The following HEATR4 variants were observed in gnomAD, a reference collection of about 807,000 sequenced individuals.
The protein encoded by HEATR4 is HEAT repeat containing 4.
In HEATR4, 95 loss-of-function variants were observed where a neutral mutation model predicts 108.8. That is an observed-to-expected ratio of 0.87 (90% CI 0.74 to 1.04). The LOEUF (loss-of-function observed/expected upper bound fraction) is 1.04, where lower values mean the gene tolerates loss of function less well. Among genes scored for constraint, HEATR4 ranks in the 50% least tolerant of loss-of-function variants. The pLI is 0.00. For synonymous variants in HEATR4, 443 were observed against 459.4 expected, an observed-to-expected ratio of 0.96 and a Z score of 0.46; for missense variants, 1,152 against 1,253.8, an observed-to-expected ratio of 0.92 and a Z score of 1.23.
At chr14:73,592,492 C>G in the HEATR4 span, 1 of 1,414,294 alleles carries the variant, frequency 7.1e-7, no homozygotes, top group East Asian at 2.6e-5. Flanking sequence ...TGATTTAGCA[C>G]TGGTTTGGTT....
In HEATR4 at chr14:73,492,525, A is replaced by G. The variant is rs1281091676; in HGVS notation, c.2844+541T>C. The G allele has an allele frequency of 1.2e-6, 2 of 1,613,608 alleles. No homozygotes were observed. The highest frequency in any genetic ancestry group is 1.7e-6 in the Non-Finnish European group (2 of 1,179,798). On this transcript the variant is annotated intron_variant, in intron 17 of 17. Coordinates refer to ENST00000553558, the MANE Select transcript of HEATR4 (RefSeq NM_001220484.1). This position sits in a 1 kb window ranked among gnomAD's most constrained non-coding sequence, Gnocchi z 4.9. ...GATGCTGTGGCCGACCAGCGAGCCAAAGACTTCATTCACGATTCTCTGCCC... is the reference window on the plus strand; with the variant it reads ...GATGCTGTGGCCGACCAGCGAGCCAGAGACTTCATTCACGATTCTCTGCCC...
chr14:73,484,242 T>C lies in HEATR4; in HGVS notation c.2845-5400A>G, dbSNP rs374452356. Among the ~76,000 whole-genome samples the C allele has an allele frequency of 7.9e-5, 12 of 151,782 alleles. No homozygotes were observed. The East Asian group carries it at 1.2e-3, about 15-fold the overall frequency. On this transcript the variant is annotated intron_variant, in intron 17 of 17. Coordinates refer to ENST00000553558, the MANE Select transcript of HEATR4 (RefSeq NM_001220484.1). ...TAGGTTATATGAGCAAGCAAAAGAG[T>C]TGGAAATTCAACATCCTAGATAGCA...
At chr14:73,574,036 ATT>A in the HEATR4 span, among the ~76,000 whole-genome samples, 61 of 147,918 alleles carry the variant, frequency 4.1e-4, no homozygotes, top group Admixed American at 4.7e-4. Flanking sequence ...TAATATTTGT[ATT>A]TTTTTTTTTT....
the HEATR4 span, among the ~76,000 whole-genome samples, chr14:73,627,323 C>T: frequency 6.6e-6 from 1 of 152,132 alleles, no homozygotes. Context: ...GCTGGGTGTC[C>T]TCCAATTCAA....
chr14:73,593,919 CT>C, the HEATR4 span: 3 of 1,596,194 alleles, frequency 1.9e-6, no homozygotes, highest in Non-Finnish European at 2.6e-6. Flanking sequence ...TCCTCATGTC[CT>C]TTATTTAATC....
Position 73,508,233 on chromosome 14 carries a change from G to A in HEATR4, c.1782C>T (p.Tyr594=). 1 of 1,613,908 alleles carries A rather than the reference G, an allele frequency of 6.2e-7. No homozygotes were observed. Among genetic ancestry groups the A allele is most frequent in the Non-Finnish European group, 8.5e-7 (1 of 1,179,854 alleles). The change falls in exon 9 of 18, where the codon TAC becomes TAT. Residue 594 remains tyrosine (Y), a synonymous_variant. Transcript: ENST00000553558. ...GGTGGAGGATCCTCTTAATCACAGGGTAAGTAGCAGTACCTTCCAGAGCCA... is the reference window on the plus strand; with the variant it reads ...GGTGGAGGATCCTCTTAATCACAGGATAAGTAGCAGTACCTTCCAGAGCCA... The part of the protein sequence containing the change: ...QCLALEGTAT[Y]PVIKRILHQL...
the HEATR4 span, among the ~76,000 whole-genome samples, chr14:73,568,699 T>C: frequency 4.6e-5 from 7 of 152,088 alleles, no homozygotes; most frequent in South Asian, 2.1e-4. Flanking sequence ...GCGGGCGGAT[T>C]ACAAAGTCAG....
the HEATR4 span, among the ~76,000 whole-genome samples, chr14:73,576,927 CTTTTCTT>C: frequency 0.16 from 19,169 of 121,382 alleles, 1,825 homozygotes; most frequent in Non-Finnish European, 0.23. Flanking sequence ...TTATTCTTTT[CTTTTCTT>C]TTTTTTTTTT....
the HEATR4 span, among the ~76,000 whole-genome samples, chr14:73,590,665 A>G: frequency 1.3e-5 from 2 of 152,136 alleles, no homozygotes; most frequent in Non-Finnish European, 1.5e-5. Context: ...CGAGCACAGC[A>G]GCTGCTGCCC....
chr14:73,615,408 C>CAA, the HEATR4 span, among the ~76,000 whole-genome samples: 13 of 51,144 alleles, frequency 2.5e-4, no homozygotes, highest in African/African-American at 9.1e-4. Context: ...AAAAAAAAAA[C>CAA]AAAAAACAAA....
chr14:73,487,604 G>A (rs1047232214), intron 17 of HEATR4, among the ~76,000 whole-genome samples: 4 of 152,058 alleles, frequency 2.6e-5, no homozygotes, highest in Non-Finnish European at 2.9e-5. Context: ...ATTTTTAGCA[G>A]GGCATGGTGG....
At chr14:73,538,365 G>A (rs1888948765) in intron 1 of HEATR4, among the ~76,000 whole-genome samples, 1 of 114,568 alleles carries the variant, frequency 8.7e-6, no homozygotes, top group African/African-American at 2.8e-5. Context: ...TGTAATCCCA[G>A]CACTTTGAGA....
the HEATR4 span, chr14:73,617,074 A>G: frequency 2.8e-6 from 4 of 1,453,268 alleles, no homozygotes; most frequent in South Asian, 1.1e-5. Flanking sequence ...CTGGCCGGAC[A>G]TGGTTTTGCT....
rs1454186476 is a variant in HEATR4 at position 73,547,451 on chromosome 14, T to A, written c.-152+11300A>T. 1.7e-5 allele frequency among the ~76,000 whole-genome samples: 2 copies of A among 115,132 alleles called. 1 individual carries two copies. The highest frequency in any genetic ancestry group is 5.6e-5 in the African/African-American group (2 of 35,520). The allele number at this position is 115,132 out of a possible 152,430, so 75.5% of individuals were successfully genotyped here. A position where few individuals can be genotyped will look rare whatever the true frequency, so the allele number is the denominator to read the frequency against. ...CTTAAACTCCTGGGCTCAGGCAATCTTCCCACCTTGGCATCTCCCAAAGTG... is the reference window on the plus strand; with the variant it reads ...CTTAAACTCCTGGGCTCAGGCAATCATCCCACCTTGGCATCTCCCAAAGTG... On this transcript the variant is annotated intron_variant, in intron 1 of 17. Transcript: ENST00000553558.
the HEATR4 span, chr14:73,591,865 GGGACGCC>G: frequency 8.2e-7 from 1 of 1,222,136 alleles, no homozygotes; most frequent in Non-Finnish European, 1.1e-6. Flanking sequence ...CCGGCACCAG[GGGACGCC>G]GGACGCCGTC....
At chr14:73,504,730 G>A (rs771739146) in intron 10 of HEATR4, among the ~76,000 whole-genome samples, 3 of 152,130 alleles carry the variant, frequency 2.0e-5, no homozygotes, top group Non-Finnish European at 2.9e-5. Flanking sequence ...AGTGGAGGTT[G>A]TTCACTTATC....
chr14:73,633,574 A>C, the HEATR4 span: 4 of 152,364 alleles, frequency 2.6e-5, no homozygotes, highest in African/African-American at 9.6e-5. Context: ...ACCCTAGCAC[A>C]CTTGGCCTCC....
At chr14:73,613,626 CA>C in the HEATR4 span, among the ~76,000 whole-genome samples, 1 of 152,154 alleles carries the variant, frequency 6.6e-6, no homozygotes, top group Non-Finnish European at 1.5e-5. Flanking sequence ...GGAAATTTGG[CA>C]ATATCTGGAG....
intron 17 of HEATR4, among the ~76,000 whole-genome samples, chr14:73,490,357 C>CA (rs1176105723): frequency 8.5e-5 from 13 of 152,180 alleles, no homozygotes; most frequent in South Asian, 2.1e-4. Flanking sequence ...CTCTGTCGCC[C>CA]AGGCTGGAGT....
Sources: allele counts gnomAD v4.1 joint callset (sites outside exome capture counted in the v4.1 genomes callset), GRCh38; gene constraint gnomAD v4.1.1; non-coding constraint Gnocchi (gnomAD v3.1); transcripts MANE v1.5; gene names NCBI Gene and HGNC (gene_info 2026-07-23, HGNC 2026-07-21).